Variants in MYO15B observed in about 807,000 individuals in gnomAD.
MYO15B encodes myosin XVB, also known as myosin XVB pseudogene.
MYO15B carries 207 observed loss-of-function variants against 119.3 expected under a neutral mutation model. The observed-to-expected ratio is 1.73, with a 90% CI of 1.55 to 1.95. MYO15B has a LOEUF of 1.95. MYO15B is among the 30% of genes most tolerant of loss of function. The pLI is 0.00. For synonymous variants in MYO15B, 966 were observed against 498.9 expected, an observed-to-expected ratio of 1.94 and a Z score of -12.48; for missense variants, 2,264 against 1,203.1, an observed-to-expected ratio of 1.88 and a Z score of -13.04.
At chr17:75,622,817 G>C (rs1452400718) in intron 53 of MYO15B, among the ~76,000 whole-genome samples, 1 of 152,214 alleles carries the variant, frequency 6.6e-6, no homozygotes, top group East Asian at 1.9e-4. Flanking sequence ...GGTCTTGGCT[G>C]GTGGAGGAAA....
rs2057584335 is a variant in MYO15B at position 75,605,494 on chromosome 17, C to T, written c.4017-10C>T. ...TGGCTATTCTGATCTCAGCTCCATCCTTGGAGCAGCTTCCAGGCCCTGGGG... is the reference window on the plus strand; with the variant it reads ...TGGCTATTCTGATCTCAGCTCCATCTTTGGAGCAGCTTCCAGGCCCTGGGG... On this transcript the variant is annotated splice_polypyrimidine_tract_variant and intron_variant, in intron 19 of 63. Coordinates refer to ENST00000645453, the Ensembl canonical transcript of MYO15B. 5.7e-6 allele frequency: 4 copies of T among 702,512 alleles called. No homozygotes were observed. In the East Asian group the frequency reaches 8.0e-5, roughly 14 times the overall value. 43.5% of individuals were successfully genotyped at this position (702,512 alleles called of 1,614,324 possible). A position where few individuals can be genotyped will look rare whatever the true frequency, so the allele number is the denominator to read the frequency against.
chr17:75,620,676 G>A (rs941789513), intron 49 of MYO15B, 40 bp downstream of exon 49: 2 of 691,850 alleles, frequency 2.9e-6, no homozygotes, highest in Non-Finnish European at 5.3e-6. Flanking sequence ...GGCAAGGCCT[G>A]CCTGAGACTG....
chr17:75,593,124 C>CCGA (rs1446696833), intron 9 of MYO15B: 1 of 260,012 alleles, frequency 3.8e-6, no homozygotes, highest in Non-Finnish European at 7.1e-6. Context: ...CTTTGGGAGG[C>CCGA]CGAGGCAGGA....
intron 61 of MYO15B, 66 bp downstream of exon 61, chr17:75,625,726 AG>A (rs1415783274): frequency 2.0e-5 from 14 of 700,952 alleles, no homozygotes; most frequent in Non-Finnish European, 3.4e-5. Flanking sequence ...ATGCAGGTAG[AG>A]GGGCGAGGAG....
At chr17:75,623,269 G>A (rs1292508933) in intron 53 of MYO15B, among the ~76,000 whole-genome samples, 2 of 152,138 alleles carry the variant, frequency 1.3e-5, no homozygotes, top group Non-Finnish European at 2.9e-5. Context: ...AGGTTGCAGT[G>A]AGCCAAGATG....
At chr17:75,624,328 A>T in intron 56 of MYO15B, 42 bp from the exon 57 acceptor site, 1 of 702,866 alleles carries the variant, frequency 1.4e-6, no homozygotes. Context: ...TGTCTCCTAC[A>T]GGAGACCACT....
chr17:75,592,873 G>C, intron 9 of MYO15B, 33 bp downstream of exon 9: 1 of 694,074 alleles, frequency 1.4e-6, no homozygotes, highest in Non-Finnish European at 2.6e-6. Context: ...GCCATCTGGG[G>C]TGCTGGGTCT....
intron 23 of MYO15B, 141 bp downstream of exon 23, chr17:75,611,100 G>A: frequency 3.0e-6 from 2 of 659,248 alleles, no homozygotes; most frequent in Non-Finnish European, 5.6e-6. Flanking sequence ...GAGGACCGGG[G>A]TGCTCTTGGC....
rs369628968 is a variant in MYO15B at position 75,596,918 on chromosome 17, AC to A, written c.3525+25del. On this transcript the variant is annotated intron_variant, in intron 14 of 63. Transcript: ENST00000645453. ...GTCCCAGGTAAGGGCCAGGATGGTG[AC>A]CCCCCACCCAGTGTCGGGAAGGAGT... 2.9e-6 allele frequency: 2 copies of A among 680,630 alleles called. No homozygotes were observed. Among genetic ancestry groups the A allele is most frequent in the East Asian group, 2.7e-5 (1 of 37,110 alleles). 42.2% of individuals were successfully genotyped at this position (680,630 alleles called of 1,614,324 possible).
rs2147783023 is a variant in MYO15B at position 75,596,748 on chromosome 17, C to T, written c.3394-20C>T. On this transcript the variant is annotated intron_variant, in intron 13 of 63. Coordinates refer to ENST00000645453, the Ensembl canonical transcript of MYO15B. ...GTTATCCCTGCTCCTGCAAAATGGC[C>T]AAATGCCGGCTGTTCCCAGGAGGAG... is the stretch of plus-strand genomic sequence containing the variant. The T allele has an allele frequency of 1.4e-6, 1 of 692,670 alleles. No homozygotes were observed. Among genetic ancestry groups the T allele is most frequent in the Non-Finnish European group, 2.6e-6 (1 of 379,918 alleles). The allele number at this position is 692,670 out of a possible 1,614,324, so 42.9% of individuals were successfully genotyped here.
intron 21 of MYO15B, 61 bp from the exon 22 acceptor site, chr17:75,610,105 G>T: frequency 1.6e-6 from 1 of 628,924 alleles, no homozygotes; most frequent in Non-Finnish European, 2.9e-6. Flanking sequence ...GGATTCCAGT[G>T]CCAGGCAGGA....
exon 12 of MYO15B, chr17:75,594,914 C>A (rs1226960466): frequency 1.4e-6 from 1 of 703,070 alleles, no homozygotes; most frequent in Non-Finnish European, 2.6e-6. Flanking sequence ...CGGCTGGCAC[C>A]ACCAGGGGAG....
rs997201452 is a variant in MYO15B, at chr17:75,619,814, G to A, written c.7301+15G>A. On this transcript the variant is annotated intron_variant, in intron 46 of 63. Transcript: ENST00000645453. ...TGCTCATACAGGTGCGCTAGCCCAC[G>A]ACCCTGGGCTAGAGGTGGGGGCAGG... The A allele has an allele frequency of 1.4e-6, 1 of 702,768 alleles. No homozygotes were observed. Among genetic ancestry groups the A allele is most frequent in the South Asian group, 1.5e-5 (1 of 67,582 alleles). 43.5% of individuals were successfully genotyped at this position (702,768 alleles called of 1,614,324 possible). A position where few individuals can be genotyped will look rare whatever the true frequency, so the allele number is the denominator to read the frequency against.
intron 15 of MYO15B, 55 bp downstream of exon 15, chr17:75,601,618 C>T (rs1206359849): frequency 1.5e-6 from 1 of 684,084 alleles, no homozygotes; most frequent in Non-Finnish European, 2.7e-6. Flanking sequence ...TGTCCCCTCC[C>T]AAGCTGAGTC....
chr17:75,603,343 C>T (rs1428488230), intron 19 of MYO15B, 31 bp downstream of exon 19: 1 of 701,454 alleles, frequency 1.4e-6, no homozygotes, highest in Admixed American at 2.0e-5. Context: ...GCAGGACTGA[C>T]AAGGAGGCCA....
exon 1 of MYO15B, chr17:75,588,658 G>T (rs1169329421): frequency 7.5e-6 from 3 of 400,738 alleles, no homozygotes; most frequent in Non-Finnish European, 1.3e-5. Context: ...GCCGGAGTCA[G>T]CGCTGGAGCC....
intron 14 of MYO15B, among the ~76,000 whole-genome samples, chr17:75,600,361 C>T (rs1465930688): frequency 6.6e-6 from 1 of 151,720 alleles, no homozygotes; most frequent in African/African-American, 2.4e-5. Context: ...TTTAAAAGCA[C>T]ATGTGATTGT....
chr17:75,600,240 G>T (rs1180840724), intron 14 of MYO15B, among the ~76,000 whole-genome samples: 1 of 151,880 alleles, frequency 6.6e-6, no homozygotes, highest in Admixed American at 6.6e-5. Context: ...TGTTAGCCAG[G>T]ATGGTCTCGA....
At chr17:75,598,020 G>A (rs1163495925) in intron 14 of MYO15B, among the ~76,000 whole-genome samples, 3 of 152,134 alleles carry the variant, frequency 2.0e-5, no homozygotes, top group Non-Finnish European at 2.9e-5. Flanking sequence ...GAGTTGGGGG[G>A]CGTCATGAGC....
Sources: allele counts gnomAD v4.1 joint callset (sites outside exome capture counted in the v4.1 genomes callset), GRCh38; gene constraint gnomAD v4.1.1; transcripts MANE v1.5; gene names NCBI Gene and HGNC (gene_info 2026-07-23, HGNC 2026-07-21).